MRPL3: variants seen among roughly 807,000 people sequenced by gnomAD.
MRPL3 encodes the protein mitochondrial ribosomal protein L3.
A neutral mutation model predicts 44.3 loss-of-function variants in MRPL3; 43 were observed. The observed-to-expected ratio is 0.97, with a 90% confidence interval of 0.76 to 1.25. The LOEUF (loss-of-function observed/expected upper bound fraction) is 1.25, where lower values mean the gene tolerates loss of function less well. Among genes scored for constraint, MRPL3 ranks in the 50% most tolerant of loss-of-function variants. The pLI is 0.00. For synonymous variants in MRPL3, 171 were observed against 152.3 expected, an observed-to-expected ratio of 1.12 and a Z score of -0.91; for missense variants, 406 against 427.6, an observed-to-expected ratio of 0.95 and a Z score of 0.45.
At chr3:131,499,206 TTG>T (rs1030551227) in intron 3 of MRPL3, among the ~76,000 whole-genome samples, 2 of 152,236 alleles carry the variant, frequency 1.3e-5, no homozygotes, top group African/African-American at 4.8e-5. Flanking sequence ...TTCATCTATA[TTG>T]TGTGTAGCTC....
In MRPL3 at chr3:131,469,690, A is replaced by C; in HGVS notation, c.816+6T>G. Reference sequence around the variant, plus strand: ...GTTCCTAAAAAGAACCACTTGTAACACTTACTTTCAGTCCATATTCTGTCC... The same window carrying C: ...GTTCCTAAAAAGAACCACTTGTAACCCTTACTTTCAGTCCATATTCTGTCC... On this transcript the variant is annotated splice_donor_region_variant and intron_variant, in intron 8 of 9. Coordinates refer to ENST00000264995, the MANE Select transcript of MRPL3 (RefSeq NM_007208.4). The C allele has an allele frequency of 6.2e-7, 1 of 1,602,164 alleles. No individual in the cohort carries two copies. Among genetic ancestry groups the C allele is most frequent in the Non-Finnish European group, 8.5e-7 (1 of 1,172,290 alleles).
chr3:131,464,205 T>C (rs1933551100), intron 9 of MRPL3, among the ~76,000 whole-genome samples: 1 of 152,136 alleles, frequency 6.6e-6, no homozygotes. Flanking sequence ...AACAAAACTT[T>C]CTGTGCTAAT....
At position 131,462,531 on chromosome 3, in the gene MRPL3, A is replaced by G; in HGVS notation, c.*192T>C. 1 of 436,770 alleles carries G rather than the reference A, an allele frequency of 2.3e-6. No individual in the cohort carries two copies. The highest frequency in any genetic ancestry group is 3.9e-6 in the Non-Finnish European group (1 of 258,368). 27.1% of individuals were successfully genotyped at this position (436,770 alleles called of 1,614,324 possible). A position where few individuals can be genotyped will look rare whatever the true frequency, so the allele number is the denominator to read the frequency against. ...TCAGCAAATCCAATCTACTTAACTC[A>G]TATATTTAATGTGGTAATTTTTCTA... is the stretch of plus-strand genomic sequence containing the variant. On this transcript the variant is annotated 3_prime_UTR_variant, in exon 10 of 10. Transcript: ENST00000264995.
rs9876703 is a variant in MRPL3 at position 131,475,679 on chromosome 3, G to A, written c.630-4400C>T. Among the ~76,000 whole-genome samples, 563 of 152,252 alleles carry A rather than the reference G, an allele frequency of 3.7e-3. 2 individuals are homozygous for A. Among genetic ancestry groups the A allele is most frequent in the Non-Finnish European group, 6.6e-3 (450 of 67,996 alleles). Reference sequence around the variant, plus strand: ...AAGATAATGTGTATACCTGATCAAAGAGCTAAAACATAACACATATTAAAT... The same window carrying A: ...AAGATAATGTGTATACCTGATCAAAAAGCTAAAACATAACACATATTAAAT... On this transcript the variant is annotated intron_variant, in intron 6 of 9. Transcript: ENST00000264995.
chr3:131,489,298 T>C (rs1057435096), intron 5 of MRPL3, among the ~76,000 whole-genome samples: 1 of 152,166 alleles, frequency 6.6e-6, no homozygotes, highest in African/African-American at 2.4e-5. Flanking sequence ...CTTTTAATTC[T>C]ACCTTGTATC....
intron 6 of MRPL3, among the ~76,000 whole-genome samples, chr3:131,483,905 T>C (rs959794546): frequency 2.6e-5 from 4 of 152,134 alleles, no homozygotes; most frequent in African/African-American, 4.8e-5. Flanking sequence ...GTACTAAAAA[T>C]ATAAGTGAAG....
At chr3:131,476,912 T>C (rs1933865427) in intron 6 of MRPL3, among the ~76,000 whole-genome samples, 1 of 152,194 alleles carries the variant, frequency 6.6e-6, no homozygotes, top group African/African-American at 2.4e-5. Context: ...TTTCCAAGTA[T>C]TGTATAATGG....
At chr3:131,496,657 C>T (rs1215644251) in intron 4 of MRPL3, among the ~76,000 whole-genome samples, 1 of 152,220 alleles carries the variant, frequency 6.6e-6, no homozygotes, top group Non-Finnish European at 1.5e-5. Flanking sequence ...TTTCCAATCC[C>T]TGCCCCTTCC....
Position 131,501,711 on chromosome 3 carries a change from G to A in MRPL3, c.97C>T (p.His33Tyr). 6.2e-7 allele frequency: 1 copy of A among 1,606,136 alleles called. No homozygotes were observed. Among genetic ancestry groups the A allele is most frequent in the African/African-American group, 1.3e-5 (1 of 74,456 alleles). Reference sequence around the variant, plus strand: ...AGACCTCTAACAAAAAGCCAGATGTGTGTTCTATAAAAAGAAAAAATAAAT... The same window carrying A: ...AGACCTCTAACAAAAAGCCAGATGTATGTTCTATAAAAAGAAAAAATAAAT... ...GAALGPGNRT[H>Y]IWLFVRGLHG... The change falls in exon 2 of 10, where the codon CAC (histidine) becomes TAC (tyrosine). Residue 33 changes from histidine (H) to tyrosine (Y), a missense_variant. By Grantham distance (83) the His-to-Tyr change is moderately conservative (BLOSUM62 2). Transcript: ENST00000264995.
At chr3:131,490,205 G>T in intron 4 of MRPL3, 125 bp from the exon 5 acceptor site, 1 of 641,778 alleles carries the variant, frequency 1.6e-6, no homozygotes, top group South Asian at 1.9e-5. Context: ...ATTCCTTAAT[G>T]AACAAAGGGC....
intron 9 of MRPL3, among the ~76,000 whole-genome samples, chr3:131,465,132 T>G (rs1327520070): frequency 6.6e-6 from 1 of 152,218 alleles, no homozygotes; most frequent in East Asian, 1.9e-4. Context: ...ACAAATATAC[T>G]TGCTGGAAAT....
intron 4 of MRPL3, among the ~76,000 whole-genome samples, chr3:131,494,346 C>A (rs1413242188): frequency 6.6e-6 from 1 of 152,198 alleles, no homozygotes; most frequent in Non-Finnish European, 1.5e-5. Context: ...TTCAATCATA[C>A]TCACTTCTGC....
intron 9 of MRPL3, among the ~76,000 whole-genome samples, chr3:131,466,264 T>G (rs1052518362): frequency 6.6e-6 from 1 of 152,160 alleles, no homozygotes; most frequent in Non-Finnish European, 1.5e-5. Flanking sequence ...AGGATTAAGT[T>G]TCACTATTTC....
At chr3:131,486,537 G>A (rs147768758) in intron 6 of MRPL3, among the ~76,000 whole-genome samples, 24 of 151,604 alleles carry the variant, frequency 1.6e-4, no homozygotes, top group African/African-American at 2.4e-4. Context: ...ATGCTGGTGC[G>A]CTGGAAAATT....
intron 6 of MRPL3, among the ~76,000 whole-genome samples, chr3:131,486,737 C>T (rs1478758288): frequency 6.6e-6 from 1 of 152,082 alleles, no homozygotes; most frequent in African/African-American, 2.4e-5. Context: ...CAAAGAAATG[C>T]AAATCAAAAC....
rs73870977 is a variant in MRPL3 at position 131,478,540 on chromosome 3, T to C, written c.630-7261A>G. Among the ~76,000 whole-genome samples, 667 of 152,282 alleles carry C rather than the reference T, an allele frequency of 4.4e-3. 6 individuals carry two copies. The highest frequency in any genetic ancestry group is 0.014 in the Middle Eastern group (4 of 294). ...TCCAAACACTGAAAAATCTTAGTCA[T>C]AGCAGATTACTCCATGAGTCCCTAA... On this transcript the variant is annotated intron_variant, in intron 6 of 9. Transcript: ENST00000264995.
At chr3:131,487,424 T>C in intron 6 of MRPL3, 2 of 343,896 alleles carry the variant, frequency 5.8e-6, no homozygotes, top group Non-Finnish European at 5.3e-6. Context: ...GTTGTGCACA[T>C]GTACCCTAGA....
intron 6 of MRPL3, among the ~76,000 whole-genome samples, chr3:131,474,052 T>C (rs1236733313): frequency 1.3e-5 from 2 of 152,098 alleles, no homozygotes; most frequent in Non-Finnish European, 2.9e-5. Flanking sequence ...AATCCCACTA[T>C]GGGGTAGATA....
chr3:131,484,256 C>T (rs543228389), intron 6 of MRPL3, among the ~76,000 whole-genome samples: 152 of 152,188 alleles, frequency 1.0e-3, no homozygotes, highest in South Asian at 8.9e-3. Flanking sequence ...TGTGTGTTTC[C>T]GGACCAGCAG....
Sources: gnomAD v4.1 joint callset for allele counts (sites outside exome capture counted in the v4.1 genomes callset) on GRCh38, gnomAD v4.1.1 for gene constraint, MANE v1.5 for transcripts, NCBI Gene and HGNC (gene_info 2026-07-23, HGNC 2026-07-21) for gene names.